The following GHR variants were observed in gnomAD, a reference collection of about 807,000 sequenced individuals.
GHR encodes GH receptor.
In GHR, 35 loss-of-function variants were observed where a neutral mutation model predicts 67.1. That is an observed-to-expected ratio of 0.52 (90% CI 0.40 to 0.69). GHR has a LOEUF of 0.69. Among genes scored for constraint, GHR ranks in the 30% least tolerant of loss-of-function variants. The pLI is 0.00. For missense variants in GHR, 792 were observed against 764.6 expected, an observed-to-expected ratio of 1.04 and a Z score of -0.42; for synonymous variants, 272 against 269.1, an observed-to-expected ratio of 1.01 and a Z score of -0.10.
chr5:42,475,442 T>A (rs539554755), intron 1 of GHR, among the ~76,000 whole-genome samples: 13 of 151,882 alleles, frequency 8.6e-5, no homozygotes, highest in Non-Finnish European at 1.5e-4. Context: ...TCATTTTTTT[T>A]ATAAAAATTG....
chr5:42,451,412 T>C (rs547851416), intron 1 of GHR, among the ~76,000 whole-genome samples: 1 of 152,106 alleles, frequency 6.6e-6, no homozygotes, highest in African/African-American at 2.4e-5. Context: ...TTTTCCACTG[T>C]TGTTGCTTTA....
chr5:42,618,925 T>A (rs1184304139), intron 2 of GHR, among the ~76,000 whole-genome samples: 1 of 152,044 alleles, frequency 6.6e-6, no homozygotes, highest in Non-Finnish European at 1.5e-5. Context: ...TACAACCATA[T>A]CCCAGTGCCT....
At chr5:42,576,471 A>T (rs1750751248) in intron 2 of GHR, among the ~76,000 whole-genome samples, 1 of 152,214 alleles carries the variant, frequency 6.6e-6, no homozygotes, top group African/African-American at 2.4e-5. Context: ...CCAATAGGCT[A>T]ATTGTATTCA....
chr5:42,682,302 T>G (rs1756924074), intron 3 of GHR, among the ~76,000 whole-genome samples: 1 of 152,228 alleles, frequency 6.6e-6, no homozygotes, highest in African/African-American at 2.4e-5. Context: ...GATGTTGAAC[T>G]ATACTATTTT....
At chr5:42,518,012 A>G (rs746146710) in intron 1 of GHR, among the ~76,000 whole-genome samples, 15 of 151,976 alleles carry the variant, frequency 9.9e-5, no homozygotes, top group Admixed American at 2.0e-4. Flanking sequence ...TGGTCTTCTC[A>G]TATTAGATTG....
chr5:42,451,274 G>A (rs909003260), intron 1 of GHR, among the ~76,000 whole-genome samples: 3 of 151,926 alleles, frequency 2.0e-5, no homozygotes, highest in African/African-American at 7.3e-5. Flanking sequence ...TTGTTTCTTA[G>A]GTCTAGCAGT....
intron 1 of GHR, among the ~76,000 whole-genome samples, chr5:42,487,772 AG>A (rs1745944236): frequency 6.6e-6 from 1 of 152,222 alleles, no homozygotes; most frequent in Non-Finnish European, 1.5e-5. Flanking sequence ...ATCGGCCTGT[AG>A]GTGGAATTGT....
Position 42,629,242 on chromosome 5 carries a change from A to G in GHR, c.136+139A>G, listed in dbSNP as rs1753840816. 4.8e-6 allele frequency: 3 copies of G among 618,766 alleles called. 1 individual carries two copies. Among genetic ancestry groups the G allele is most frequent in the South Asian group, 1.8e-5 (1 of 56,444 alleles). The allele number at this position is 618,766 out of a possible 1,614,324, so 38.3% of individuals were successfully genotyped here. The stretch of plus-strand genomic sequence containing the variant: ...GAGTTGAAATTTTATAGGCAAGCAA[A>G]ACATTTTTTAAGGATTTATTTTTTA... On this transcript the variant is annotated intron_variant, in intron 3 of 9. Coordinates refer to ENST00000230882, the MANE Select transcript of GHR (RefSeq NM_000163.5).
intron 6 of GHR, among the ~76,000 whole-genome samples, chr5:42,702,632 T>C (rs920774308): frequency 6.6e-6 from 1 of 152,004 alleles, no homozygotes; most frequent in Non-Finnish European, 1.5e-5. Flanking sequence ...TTATTTTCCA[T>C]AGAGGGTATA....
At chr5:42,461,355 C>G (rs999578248) in intron 1 of GHR, among the ~76,000 whole-genome samples, 1 of 152,224 alleles carries the variant, frequency 6.6e-6, no homozygotes, top group Non-Finnish European at 1.5e-5. Flanking sequence ...AAATCTTTAA[C>G]ATTTCCCCAA....
chr5:42,508,307 T>G (rs1746864030), intron 1 of GHR, among the ~76,000 whole-genome samples: 1 of 152,152 alleles, frequency 6.6e-6, no homozygotes, highest in Non-Finnish European at 1.5e-5. Context: ...ATTGAGAATC[T>G]GTCCAGAAAG....
intron 6 of GHR, among the ~76,000 whole-genome samples, chr5:42,709,167 C>T (rs1758330053): frequency 6.6e-6 from 1 of 152,156 alleles, no homozygotes; most frequent in African/African-American, 2.4e-5. Context: ...CAGGATCTTG[C>T]TCTGTCCCCA....
intron 1 of GHR, chr5:42,548,572 T>A: frequency 1.5e-5 from 13 of 843,978 alleles, no homozygotes; most frequent in Non-Finnish European, 1.9e-5. Context: ...ATTAAAAGGC[T>A]GATAGTCAGG....
chr5:42,504,700 A>C (rs1746682770), intron 1 of GHR, among the ~76,000 whole-genome samples: 1 of 152,136 alleles, frequency 6.6e-6, no homozygotes, highest in East Asian at 1.9e-4. Flanking sequence ...CGGAGGTTGC[A>C]GTGAGCCGAG....
At chr5:42,596,523 C>T (rs536715605) in intron 2 of GHR, among the ~76,000 whole-genome samples, 7 of 152,244 alleles carry the variant, frequency 4.6e-5, no homozygotes, top group African/African-American at 1.7e-4. Flanking sequence ...AGCACCAGGG[C>T]CCTTAGACTG....
chr5:42,516,418 G>C (rs572325479), intron 1 of GHR, among the ~76,000 whole-genome samples: 2 of 152,240 alleles, frequency 1.3e-5, no homozygotes, highest in South Asian at 4.1e-4. Context: ...CAGGTGAGCT[G>C]GTTGAAATCC....
chr5:42,627,316 G>T (rs1011909721), intron 2 of GHR, among the ~76,000 whole-genome samples: 2 of 152,002 alleles, frequency 1.3e-5, no homozygotes, highest in Non-Finnish European at 2.9e-5. Context: ...TTAAAAAATT[G>T]TTCCCTACTG....
chr5:42,569,642 G>A (rs1032639109), intron 2 of GHR, among the ~76,000 whole-genome samples: 3 of 152,024 alleles, frequency 2.0e-5, no homozygotes, highest in Non-Finnish European at 2.9e-5. Flanking sequence ...AACATATATA[G>A]TATCTACATG....
intron 1 of GHR, chr5:42,514,057 C>T (rs1467327649): frequency 1.0e-6 from 1 of 956,110 alleles, no homozygotes; most frequent in African/African-American, 1.8e-5. Context: ...CTTGCTTCAC[C>T]CAGAATTTAT....
Sources: gnomAD v4.1 joint callset for allele counts (sites outside exome capture counted in the v4.1 genomes callset) on GRCh38, gnomAD v4.1.1 for gene constraint, MANE v1.5 for transcripts, NCBI Gene and HGNC (gene_info 2026-07-23, HGNC 2026-07-21) for gene names.